Variants in WARS2 observed in about 807,000 individuals in gnomAD.
WARS2 encodes tryptophan--tRNA ligase, mitochondrial.
In WARS2, 28 loss-of-function variants were observed where a neutral mutation model predicts 36.5. The ratio of observed to expected loss-of-function variants is 0.77; its 90% CI spans 0.57 to 1.05. WARS2 has a LOEUF of 1.05. Among genes scored for constraint, WARS2 ranks in the 50% least tolerant of loss-of-function variants. WARS2 has a pLI of 0.00. For synonymous variants in WARS2, 174 were observed against 178.4 expected, an observed-to-expected ratio of 0.98 and a Z score of 0.20; for missense variants, 435 against 456.8, an observed-to-expected ratio of 0.95 and a Z score of 0.44.
intron 1 of WARS2, among the ~76,000 whole-genome samples, chr1:119,089,892 A>G (rs1453241295): frequency 9.9e-5 from 15 of 152,184 alleles, no homozygotes; most frequent in Admixed American, 9.8e-4. Context: ...ACCAAATACC[A>G]CATGTTCTCA....
At chr1:119,094,624 G>T (rs953749308) in intron 1 of WARS2, among the ~76,000 whole-genome samples, 3 of 151,964 alleles carry the variant, frequency 2.0e-5, no homozygotes, top group South Asian at 4.1e-4. Context: ...TACCAAAAAG[G>T]TTACTATAGT....
intron 2 of WARS2, among the ~76,000 whole-genome samples, chr1:119,046,731 C>T (rs534171980): frequency 2.0e-5 from 3 of 151,712 alleles, no homozygotes; most frequent in African/African-American, 4.8e-5. Flanking sequence ...CTATGCATCC[C>T]GTTTCTTTAC....
chr1:119,053,266 AAG>A (rs1649516534), intron 2 of WARS2, among the ~76,000 whole-genome samples: 1 of 152,198 alleles, frequency 6.6e-6, no homozygotes, highest in Admixed American at 6.5e-5. Context: ...GAGAGGAAGA[AAG>A]AGAAAAAGAA....
chr1:119,126,490 T>C, intron 1 of WARS2: 1 of 461,262 alleles, frequency 2.2e-6, no homozygotes, highest in Non-Finnish European at 3.9e-6. Context: ...TTTTTTTTTT[T>C]TTTTTCACAA....
intron 1 of WARS2, among the ~76,000 whole-genome samples, chr1:119,081,468 A>G (rs1329272253): frequency 6.6e-6 from 1 of 152,224 alleles, no homozygotes; most frequent in African/African-American, 2.4e-5. Flanking sequence ...GCAATTGTTC[A>G]TTCATCACAC....
intron 1 of WARS2, among the ~76,000 whole-genome samples, chr1:119,120,371 A>T (rs1259290453): frequency 2.6e-5 from 4 of 151,060 alleles, no homozygotes; most frequent in Non-Finnish European, 5.9e-5. Context: ...AAAAACTCTT[A>T]AAAAAAAATA....
At chr1:119,074,166 T>C (rs989766388) in intron 2 of WARS2, among the ~76,000 whole-genome samples, 2 of 152,248 alleles carry the variant, frequency 1.3e-5, no homozygotes, top group Non-Finnish European at 1.5e-5. Context: ...GCTCTAATGA[T>C]GAACAGCTCT....
chr1:119,065,218 T>C (rs1306806865), intron 2 of WARS2, among the ~76,000 whole-genome samples: 2 of 152,158 alleles, frequency 1.3e-5, no homozygotes, highest in Non-Finnish European at 1.5e-5. Context: ...ATCACAACTT[T>C]GTCAATGCTG....
intron 3 of WARS2, 92 bp downstream of exon 3, chr1:119,045,490 C>A: frequency 9.3e-7 from 1 of 1,070,118 alleles, no homozygotes; most frequent in South Asian, 1.4e-5. Context: ...AGTGGCAGAC[C>A]AGGGAGGAGA....
chr1:119,034,049 T>C (rs1647672695), intron 5 of WARS2, 46 bp downstream of exon 5: 1 of 1,544,404 alleles, frequency 6.5e-7, no homozygotes. Flanking sequence ...TCCAATCCTC[T>C]CTTTAGAATA....
At chr1:119,133,729 A>C (rs1011318508) in intron 1 of WARS2, among the ~76,000 whole-genome samples, 6 of 152,208 alleles carry the variant, frequency 3.9e-5, no homozygotes, top group Non-Finnish European at 7.3e-5. Flanking sequence ...ACCAGGGCCC[A>C]AAAATGAATT....
At chr1:119,055,388 G>T (rs979277620) in intron 2 of WARS2, among the ~76,000 whole-genome samples, 2 of 152,108 alleles carry the variant, frequency 1.3e-5, no homozygotes, top group African/African-American at 4.8e-5. Context: ...TGAGGAAGGT[G>T]GATTATCTGA....
chr1:119,075,753 A>G (rs1362823625), intron 2 of WARS2, among the ~76,000 whole-genome samples: 1 of 152,208 alleles, frequency 6.6e-6, no homozygotes. Context: ...CTGTCCAAGA[A>G]TAAACTGATT....
At chr1:119,057,542 C>A (rs1649931972) in intron 2 of WARS2, among the ~76,000 whole-genome samples, 1 of 151,452 alleles carries the variant, frequency 6.6e-6, no homozygotes. Flanking sequence ...GTAATCCCAG[C>A]AGTTTGGGAG....
At chr1:119,126,495 T>TC in intron 1 of WARS2, 1 of 413,232 alleles carries the variant, frequency 2.4e-6, no homozygotes, top group African/African-American at 2.2e-5. Flanking sequence ...TTTTTTTTTT[T>TC]CACAAATAGG....
In WARS2 at chr1:119,066,395, G is replaced by A. The variant is rs777874426; in HGVS notation, c.348+9955C>T. Among the ~76,000 whole-genome samples the A allele has an allele frequency of 2.8e-4, 42 of 149,936 alleles. 1 individual carries two copies. Among genetic ancestry groups the A allele is most frequent in the African/African-American group, 5.2e-4 (21 of 40,668 alleles). ...CGGGAGGCCGAGGCAGGAGAATGGC[G>A]TGAACCTGGGAGGCAGAGCTTGCAG... On this transcript the variant is annotated intron_variant, in intron 2 of 5. Transcript: ENST00000235521.
intron 2 of WARS2, among the ~76,000 whole-genome samples, chr1:119,050,045 C>T (rs1649208943): frequency 6.6e-6 from 1 of 152,186 alleles, no homozygotes; most frequent in Non-Finnish European, 1.5e-5. Flanking sequence ...AGCCAGAGTC[C>T]TCATAACAGC....
At chr1:119,105,492 G>A (rs996029588) in intron 1 of WARS2, among the ~76,000 whole-genome samples, 10 of 152,158 alleles carry the variant, frequency 6.6e-5, no homozygotes, top group African/African-American at 2.4e-4. Flanking sequence ...TCAGGAGGTA[G>A]CTTAGGAGCC....
intron 2 of WARS2, among the ~76,000 whole-genome samples, chr1:119,046,732 G>A (rs991237637): frequency 2.0e-5 from 3 of 149,050 alleles, no homozygotes; most frequent in South Asian, 2.1e-4. Context: ...TATGCATCCC[G>A]TTTCTTTACT....
Sources: gnomAD v4.1 joint callset for allele counts (sites outside exome capture counted in the v4.1 genomes callset) on GRCh38, gnomAD v4.1.1 for gene constraint, MANE v1.5 for transcripts, NCBI Gene and HGNC (gene_info 2026-07-23, HGNC 2026-07-21) for gene names.